The following CSNK1G2 variants were observed in gnomAD, a reference collection of about 807,000 sequenced individuals.
CSNK1G2 encodes casein kinase I isoform gamma-2.
In CSNK1G2, 11 loss-of-function variants were observed where a neutral mutation model predicts 48.0. That is an observed-to-expected ratio of 0.23 (90% CI 0.14 to 0.38). CSNK1G2 has a LOEUF of 0.38. Ranked by LOEUF, CSNK1G2 falls within the 10% of genes least tolerant of loss-of-function variation. CSNK1G2 has a pLI of 1.00. For synonymous variants in CSNK1G2, 337 were observed against 254.1 expected (o/e 1.33, Z -3.10); for missense variants, 446 against 595.5 (o/e 0.75, Z 2.61).
chr19:1,963,947 G>T (rs1337535961), intron 1 of CSNK1G2, among the ~76,000 whole-genome samples: 1 of 150,966 alleles, frequency 6.6e-6, no homozygotes, highest in African/African-American at 2.4e-5. Flanking sequence ...CTCCTGAGTA[G>T]CTGGGATTAC....
intron 1 of CSNK1G2, among the ~76,000 whole-genome samples, chr19:1,943,154 G>A (rs1252310380): frequency 1.3e-5 from 2 of 152,232 alleles, no homozygotes; most frequent in Non-Finnish European, 2.9e-5. Context: ...AATGGGGTGA[G>A]ATGTTGGAGG....
intron 1 of CSNK1G2, chr19:1,953,569 C>A (rs1385031100): frequency 4.1e-6 from 2 of 490,910 alleles, no homozygotes; most frequent in African/African-American, 2.0e-5. Flanking sequence ...TCCGCCAAGG[C>A]TGCCGGTGGT....
chr19:1,947,936 G>C (rs1218661356), intron 1 of CSNK1G2, among the ~76,000 whole-genome samples: 1 of 138,512 alleles, frequency 7.2e-6, no homozygotes, highest in African/African-American at 2.8e-5. Context: ...GTGTGGTGAC[G>C]TCCTGGGGCC....
At chr19:1,949,620 C>T (rs910437375) in intron 1 of CSNK1G2, among the ~76,000 whole-genome samples, 11 of 152,230 alleles carry the variant, frequency 7.2e-5, no homozygotes, top group Non-Finnish European at 1.5e-4. Flanking sequence ...ATTCTTCTGT[C>T]AGGTGGACTT....
chr19:1,955,626 G>A (rs1426538416), intron 1 of CSNK1G2, among the ~76,000 whole-genome samples: 1 of 152,158 alleles, frequency 6.6e-6, no homozygotes, highest in Non-Finnish European at 1.5e-5. Flanking sequence ...GTGTGGCTGG[G>A]CCCTCCCTCT....
chr19:1,970,197 G>T (rs1042333743), intron 2 of CSNK1G2, among the ~76,000 whole-genome samples: 1 of 152,252 alleles, frequency 6.6e-6, no homozygotes, highest in Non-Finnish European at 1.5e-5. Flanking sequence ...AAACAGTTCT[G>T]TTGGGAGGCA....
At chr19:1,960,617 G>A (rs1031345277) in intron 1 of CSNK1G2, among the ~76,000 whole-genome samples, 1 of 152,214 alleles carries the variant, frequency 6.6e-6, no homozygotes, top group African/African-American at 2.4e-5. Context: ...TCAGGGCGTG[G>A]TGGTTGACAC....
At chr19:1,944,274 CTG>C (rs956417035) in intron 1 of CSNK1G2, among the ~76,000 whole-genome samples, 5 of 152,098 alleles carry the variant, frequency 3.3e-5, no homozygotes, top group Admixed American at 3.3e-4. Context: ...TTGGCGGCCT[CTG>C]TGCAAGGCCG....
At chr19:1,946,041 A>G (rs1234140068) in intron 1 of CSNK1G2, among the ~76,000 whole-genome samples, 1 of 152,038 alleles carries the variant, frequency 6.6e-6, no homozygotes, top group Non-Finnish European at 1.5e-5. Flanking sequence ...GGCAGATTCC[A>G]TCTAGGAGCG....
rs1488364782 is a variant in CSNK1G2, at chr19:1,957,334, A to G, written c.-265-12174A>G. ...AGAAGCAGTGTGTGCCCGGGAGGTC[A>G]CGTGGGCACCACAGACGAAAGTGGA... On this transcript the variant is annotated intron_variant, in intron 1 of 11. Transcript: ENST00000255641. The surrounding 1 kb of genome is among the most constrained non-coding windows in gnomAD (Gnocchi z 5.4). Among the ~76,000 whole-genome samples the G allele has an allele frequency of 6.6e-6, 1 of 152,220 alleles. No individual in the cohort carries two copies. The highest frequency in any genetic ancestry group is 1.5e-5 in the Non-Finnish European group (1 of 68,036).
Position 1,951,264 on chromosome 19 carries a change from G to A in CSNK1G2, c.-266+9846G>A, listed in dbSNP as rs1003248348. Among the ~76,000 whole-genome samples, 7 of 144,678 alleles carry A rather than the reference G, an allele frequency of 4.8e-5. 2 individuals are homozygous for A. The highest frequency in any genetic ancestry group is 1.6e-4 in the African/African-American group (6 of 37,456). The allele number at this position is 144,678 out of a possible 152,430, so 94.9% of individuals were successfully genotyped here. A position where few individuals can be genotyped will look rare whatever the true frequency, so the allele number is the denominator to read the frequency against. The stretch of plus-strand genomic sequence containing the variant: ...AAAAAATACAAAAAATTAGCCGGGC[G>A]TGGTGGCGGGCGCCTGTAGTCCCAG... On this transcript the variant is annotated intron_variant, in intron 1 of 11. Transcript: ENST00000255641.
intron 2 of CSNK1G2, chr19:1,975,795 G>A (rs1259992967): frequency 2.0e-6 from 2 of 983,076 alleles, no homozygotes; most frequent in Non-Finnish European, 2.4e-6. Flanking sequence ...CAACACTTTG[G>A]GAGGCTGATG....
At chr19:1,946,589 C>G (rs1325558203) in intron 1 of CSNK1G2, among the ~76,000 whole-genome samples, 1 of 139,240 alleles carries the variant, frequency 7.2e-6, no homozygotes, top group African/African-American at 2.7e-5. Context: ...CCGCGCCCGG[C>G]TATTTATTTA....
intron 2 of CSNK1G2, among the ~76,000 whole-genome samples, chr19:1,976,710 C>T (rs1033523959): frequency 2.6e-5 from 4 of 151,360 alleles, no homozygotes; most frequent in South Asian, 2.1e-4. Context: ...TGCAGCAGGG[C>T]GGAACAAAGT....
chr19:1,952,900 A>G, intron 1 of CSNK1G2: 1 of 448,536 alleles, frequency 2.2e-6, no homozygotes, highest in African/African-American at 2.1e-5. Flanking sequence ...GGAGCTGGCA[A>G]CCGAGGTGAC....
At chr19:1,962,690 G>T (rs940875759) in intron 1 of CSNK1G2, among the ~76,000 whole-genome samples, 2 of 152,082 alleles carry the variant, frequency 1.3e-5, no homozygotes, top group African/African-American at 2.4e-5. Context: ...TCACAGAAGC[G>T]CTGGGGTGGG....
intron 1 of CSNK1G2, among the ~76,000 whole-genome samples, chr19:1,946,265 C>CATTCATTT (rs534248791): frequency 8.7e-6 from 1 of 114,406 alleles, no homozygotes; most frequent in Non-Finnish European, 1.8e-5. Context: ...ACTATTTATT[C>CATTCATTT]GTTTATTTAT....
At chr19:1,951,902 G>A (rs1349729945) in intron 1 of CSNK1G2, among the ~76,000 whole-genome samples, 1 of 152,084 alleles carries the variant, frequency 6.6e-6, no homozygotes, top group East Asian at 1.9e-4. Flanking sequence ...AGATGGTCTC[G>A]ATCTCCTGAC....
chr19:1,946,835 T>A (rs980120505), intron 1 of CSNK1G2, among the ~76,000 whole-genome samples: 7 of 151,578 alleles, frequency 4.6e-5, no homozygotes, highest in Non-Finnish European at 1.0e-4. Context: ...ATGGTCTCCA[T>A]CTCCTGACCT....
Sources: gnomAD v4.1 joint callset for allele counts (sites outside exome capture counted in the v4.1 genomes callset) on GRCh38, gnomAD v4.1.1 for gene constraint, Gnocchi (gnomAD v3.1) non-coding constraint, MANE v1.5 for transcripts, NCBI Gene and HGNC (gene_info 2026-07-23, HGNC 2026-07-21) for gene names.